The following ZFAND3 variants were observed in gnomAD, a reference collection of about 807,000 sequenced individuals.
ZFAND3 encodes AN1-type zinc finger protein 3.
In ZFAND3, 10 loss-of-function variants were observed where a neutral mutation model predicts 29.6. The ratio of observed to expected loss-of-function variants is 0.34; its 90% CI spans 0.21 to 0.57. ZFAND3 has a LOEUF of 0.57. Ranked by LOEUF, ZFAND3 falls within the 20% of genes least tolerant of loss-of-function variation. The pLI is 0.86. For missense variants in ZFAND3, 230 were observed against 304.5 expected, an observed-to-expected ratio of 0.76 and a Z score of 1.82; for synonymous variants, 128 against 112.6, an observed-to-expected ratio of 1.14 and a Z score of -0.87.
intron 3 of ZFAND3, among the ~76,000 whole-genome samples, chr6:38,080,155 G>A (rs777655061): frequency 3.3e-5 from 5 of 151,922 alleles, no homozygotes; most frequent in African/African-American, 1.2e-4. Flanking sequence ...AGAGCCTGTC[G>A]GAGGGTGGGG....
chr6:37,951,141 A>T lies in ZFAND3; in HGVS notation c.112+21142A>T, dbSNP rs79532178. Among the ~76,000 whole-genome samples the T allele has an allele frequency of 5.1e-3, 778 of 152,278 alleles. 9 individuals carry two copies. The highest frequency in any genetic ancestry group is 0.017 in the African/African-American group (722 of 41,560). ...TTTTATTTTTTTGTGACTACTATAG[A>T]AATGGGATTGCAGTCTTGATTTGGC... On this transcript the variant is annotated intron_variant, in intron 2 of 5. Coordinates refer to ENST00000287218, the MANE Select transcript of ZFAND3 (RefSeq NM_021943.3).
intron 1 of ZFAND3, among the ~76,000 whole-genome samples, chr6:37,853,059 A>G (rs1764311405): frequency 6.6e-6 from 1 of 152,168 alleles, no homozygotes; most frequent in Admixed American, 6.6e-5. Flanking sequence ...CTTGTAGGTC[A>G]ATAATGTCTA....
At chr6:38,094,561 A>G (rs929899928) in intron 4 of ZFAND3, among the ~76,000 whole-genome samples, 8 of 152,174 alleles carry the variant, frequency 5.3e-5, no homozygotes, top group African/African-American at 1.9e-4. Flanking sequence ...ATAATGCTTA[A>G]AGTCCTCCTT....
intron 5 of ZFAND3, among the ~76,000 whole-genome samples, chr6:38,135,827 G>C (rs1273227169): frequency 2.0e-5 from 3 of 152,236 alleles, no homozygotes; most frequent in Admixed American, 1.3e-4. Context: ...AGAGCTGCTT[G>C]GTGTGGACAC....
chr6:38,151,906 T>C (rs1252729270), intron 5 of ZFAND3, among the ~76,000 whole-genome samples: 1 of 152,088 alleles, frequency 6.6e-6, no homozygotes, highest in East Asian at 1.9e-4. Flanking sequence ...CAGCCTGTGC[T>C]CTTCCGCCTG....
intron 2 of ZFAND3, among the ~76,000 whole-genome samples, chr6:37,980,807 A>G (rs1762566181): frequency 6.6e-6 from 1 of 152,148 alleles, no homozygotes; most frequent in African/African-American, 2.4e-5. Flanking sequence ...CTCCCCTCAA[A>G]TTAATGTTGA....
rs889918599 is a variant in ZFAND3, at chr6:38,154,307, A to G, written c.*1918A>G. 1 of 979,478 alleles carries G rather than the reference A, an allele frequency of 1.0e-6. No homozygotes were observed. Among genetic ancestry groups the G allele is most frequent in the East Asian group, 1.2e-4 (1 of 8,112 alleles). 60.7% of individuals were successfully genotyped at this position (979,478 alleles called of 1,614,324 possible). On this transcript the variant is annotated 3_prime_UTR_variant, in exon 6 of 6. Coordinates refer to ENST00000287218, the MANE Select transcript of ZFAND3 (RefSeq NM_021943.3). ...CTCTGCCTGCTGCGTGGAGGCAGCC[A>G]TGGGAAGGAGCCCAGGGGAGCTGGC...
At chr6:37,910,303 A>G (rs1273988046) in intron 1 of ZFAND3, among the ~76,000 whole-genome samples, 1 of 151,766 alleles carries the variant, frequency 6.6e-6, no homozygotes, top group Admixed American at 6.6e-5. Flanking sequence ...CTAGTTTAAA[A>G]TGATTAACTC....
At chr6:37,965,292 T>G (rs953379946) in intron 2 of ZFAND3, among the ~76,000 whole-genome samples, 20 of 152,200 alleles carry the variant, frequency 1.3e-4, no homozygotes, top group African/African-American at 4.6e-4. Flanking sequence ...TCTATTTTTT[T>G]AGACCAGTAA....
intron 1 of ZFAND3, among the ~76,000 whole-genome samples, chr6:37,902,005 TC>T (rs1230738737): frequency 4.6e-5 from 7 of 152,244 alleles, no homozygotes; most frequent in African/African-American, 1.7e-4. Flanking sequence ...TTTTAAATAT[TC>T]TGTTAGTTTG....
chr6:38,057,513 G>A (rs1764153053), intron 2 of ZFAND3, among the ~76,000 whole-genome samples: 1 of 152,070 alleles, frequency 6.6e-6, no homozygotes, highest in African/African-American at 2.4e-5. Flanking sequence ...CATGTGCTAG[G>A]TTCTTCATGT....
At chr6:37,939,036 T>C (rs570260467) in intron 2 of ZFAND3, among the ~76,000 whole-genome samples, 1 of 152,222 alleles carries the variant, frequency 6.6e-6, no homozygotes, top group African/African-American at 2.4e-5. Context: ...GGATTATCCA[T>C]TGTGGCATAG....
intron 2 of ZFAND3, among the ~76,000 whole-genome samples, chr6:38,049,904 A>G (rs1382344639): frequency 5.8e-5 from 1 of 17,282 alleles, no homozygotes; most frequent in Non-Finnish European, 1.2e-4. Flanking sequence ...TCCCCCTCAC[A>G]CCCACCCCGT....
chr6:38,106,211 G>T (rs1042806797), intron 4 of ZFAND3, among the ~76,000 whole-genome samples: 1 of 151,906 alleles, frequency 6.6e-6, no homozygotes, highest in Non-Finnish European at 1.5e-5. Context: ...GAGTGCAATG[G>T]TGCAATCTCG....
chr6:37,928,605 C>T (rs1020582403), intron 1 of ZFAND3, among the ~76,000 whole-genome samples: 2 of 152,122 alleles, frequency 1.3e-5, no homozygotes, highest in Non-Finnish European at 2.9e-5. Flanking sequence ...ACTGCAACCT[C>T]CGCTTCCTGG....
chr6:38,039,533 G>A (rs1323542144), intron 2 of ZFAND3, among the ~76,000 whole-genome samples: 6 of 152,156 alleles, frequency 3.9e-5, no homozygotes, highest in Non-Finnish European at 5.9e-5. Flanking sequence ...GTAGTCAGAA[G>A]ATAAAATGCA....
chr6:37,896,498 AT>A (rs914478431), intron 1 of ZFAND3, among the ~76,000 whole-genome samples: 3 of 124,212 alleles, frequency 2.4e-5, no homozygotes, highest in African/African-American at 6.1e-5. Flanking sequence ...TGGTGTCTTA[AT>A]TTTTTTCCTC....
At chr6:37,846,713 T>TTG (rs1554148342) in intron 1 of ZFAND3, among the ~76,000 whole-genome samples, 1 of 151,524 alleles carries the variant, frequency 6.6e-6, no homozygotes, top group Non-Finnish European at 1.5e-5. Context: ...GATTTTTTTT[T>TTG]TTTTGTTTTT....
chr6:38,033,252 C>T (rs181174575), intron 2 of ZFAND3, among the ~76,000 whole-genome samples: 4 of 152,212 alleles, frequency 2.6e-5, no homozygotes, highest in Non-Finnish European at 4.4e-5. Flanking sequence ...AATATAGACT[C>T]TCATCTATAA....
Sources: allele counts gnomAD v4.1 joint callset (sites outside exome capture counted in the v4.1 genomes callset), GRCh38; gene constraint gnomAD v4.1.1; transcripts MANE v1.5; gene names NCBI Gene and HGNC (gene_info 2026-07-23, HGNC 2026-07-21).